The following DOCK2 variants were observed in gnomAD, a reference collection of about 807,000 sequenced individuals.
DOCK2 encodes dedicator of cytokinesis protein 2.
DOCK2 carries 87 observed loss-of-function variants against 248.9 expected under a neutral mutation model. The observed-to-expected ratio is 0.35, with a 90% confidence interval of 0.29 to 0.42. DOCK2 has a LOEUF of 0.42. Among genes scored for constraint, DOCK2 ranks in the 10% least tolerant of loss-of-function variants. DOCK2 has a pLI of 1.00. For missense variants in DOCK2, 1,747 were observed against 2,300.2 expected, an observed-to-expected ratio of 0.76 and a Z score of 4.92; for synonymous variants, 805 against 821.6, an observed-to-expected ratio of 0.98 and a Z score of 0.35.
At chr5:169,857,271 G>A (rs572183764) in intron 27 of DOCK2, among the ~76,000 whole-genome samples, 1 of 152,330 alleles carries the variant, frequency 6.6e-6, no homozygotes, top group East Asian at 1.9e-4. Flanking sequence ...TGGTAAGGCA[G>A]TATCTGGTAA....
chr5:169,682,410 A>AGAGTAGTCAG (rs1379650050), intron 7 of DOCK2, among the ~76,000 whole-genome samples: 1 of 152,212 alleles, frequency 6.6e-6, no homozygotes, highest in East Asian at 1.9e-4. Context: ...CTGACTATTC[A>AGAGTAGTCAG]AGGAGTAGGA....
intron 27 of DOCK2, among the ~76,000 whole-genome samples, chr5:169,970,475 G>A (rs532492253): frequency 6.6e-6 from 1 of 152,376 alleles, no homozygotes; most frequent in East Asian, 1.9e-4. Flanking sequence ...ACTGCTGTTT[G>A]AAGGTGGTGG....
intron 32 of DOCK2, among the ~76,000 whole-genome samples, chr5:170,017,964 G>A (rs538306393): frequency 2.1e-4 from 32 of 152,284 alleles, no homozygotes; most frequent in African/African-American, 5.1e-4. Flanking sequence ...TGTAGGAGCT[G>A]GAAAATTTAT....
chr5:169,658,479 C>CAAAAAAAA (rs5873187), intron 2 of DOCK2, among the ~76,000 whole-genome samples: 1 of 76,040 alleles, frequency 1.3e-5, no homozygotes, highest in Non-Finnish European at 2.4e-5. Flanking sequence ...GCCTCCGTCT[C>CAAAAAAAA]AAAAAAAAAA....
chr5:170,082,936 A>G lies in DOCK2; in HGVS notation c.*78A>G, dbSNP rs571200748. 9.5e-6 allele frequency: 15 copies of G among 1,586,618 alleles called. No homozygotes were observed. Among genetic ancestry groups the G allele is most frequent in the Non-Finnish European group, 1.3e-5 (15 of 1,157,714 alleles). The stretch of plus-strand genomic sequence containing the variant: ...GAGGAAAGCCATGCGTGGAACATCG[A>G]AGCCTCAGAGAGTGGGAGACTGTCC... On this transcript the variant is annotated 3_prime_UTR_variant, in exon 52 of 52. Transcript: ENST00000520908.
At chr5:170,036,478 G>A in intron 35 of DOCK2, 37 bp from the exon 36 acceptor site, 2 of 1,607,268 alleles carry the variant, frequency 1.2e-6, no homozygotes, top group South Asian at 1.1e-5. Context: ...ATATTGCAGA[G>A]AACAACACTC....
intron 27 of DOCK2, among the ~76,000 whole-genome samples, chr5:169,894,395 C>G (rs1773472097): frequency 6.6e-6 from 1 of 152,174 alleles, no homozygotes; most frequent in Non-Finnish European, 1.5e-5. Flanking sequence ...ACCCCCTTCT[C>G]CTGACATAGA....
At chr5:169,656,727 GA>G (rs1758143947) in intron 2 of DOCK2, among the ~76,000 whole-genome samples, 2 of 152,226 alleles carry the variant, frequency 1.3e-5, no homozygotes, top group African/African-American at 4.8e-5. Context: ...AAATCCAGAT[GA>G]GTATTTTTCT....
intron 45 of DOCK2, 142 bp downstream of exon 45, chr5:170,067,828 C>A: frequency 1.1e-6 from 1 of 873,494 alleles, no homozygotes; most frequent in Non-Finnish European, 1.7e-6. Flanking sequence ...CTTGGTTGGC[C>A]CTCATGTTTC....
chr5:169,923,587 G>C (rs1393833671), intron 27 of DOCK2, among the ~76,000 whole-genome samples: 1 of 152,108 alleles, frequency 6.6e-6, no homozygotes, highest in Non-Finnish European at 1.5e-5. Flanking sequence ...TTTCTATTGT[G>C]ACCTTGGGCA....
chr5:169,908,251 T>A (rs999132585), intron 27 of DOCK2, among the ~76,000 whole-genome samples: 7 of 152,160 alleles, frequency 4.6e-5, no homozygotes, highest in Admixed American at 4.6e-4. Flanking sequence ...GCTGGTCCCT[T>A]GGTGGCAACT....
chr5:170,059,445 T>A (rs1408486824), intron 44 of DOCK2, among the ~76,000 whole-genome samples: 5 of 152,162 alleles, frequency 3.3e-5, no homozygotes, highest in Non-Finnish European at 7.4e-5. Context: ...GCAAGGCGCC[T>A]CTTCTGTAGT....
intron 8 of DOCK2, 24 bp downstream of exon 8, chr5:169,684,374 A>G: frequency 6.2e-7 from 1 of 1,611,430 alleles, no homozygotes; most frequent in African/African-American, 1.3e-5. Context: ...GGGTTGCCCT[A>G]CTTCTCTGAC....
chr5:170,064,179 G>A lies in DOCK2; in HGVS notation c.4468-3331G>A, dbSNP rs928121002. ...CACAAGGCCAGTCTGACAAGACTGG[G>A]AGAGAGAGCTGTCTTATCTAATGCA... On this transcript the variant is annotated intron_variant, in intron 44 of 51. Transcript: ENST00000520908. 5.3e-5 allele frequency among the ~76,000 whole-genome samples: 8 copies of A among 152,150 alleles called. 1 individual carries two copies. The highest frequency in any genetic ancestry group is 1.7e-4 in the African/African-American group (7 of 41,440).
At chr5:170,075,819 C>T (rs1757820441) in intron 46 of DOCK2, 128 bp from the exon 47 acceptor site, 1 of 1,259,794 alleles carries the variant, frequency 7.9e-7, no homozygotes. Flanking sequence ...GTGCAGGTTT[C>T]TGAGGACCCT....
intron 50 of DOCK2, chr5:170,080,785 T>C (rs1160233195): frequency 1.3e-5 from 2 of 156,198 alleles, no homozygotes; most frequent in African/African-American, 2.4e-5. Flanking sequence ...GCACAGCCGA[T>C]GGTCCTAACT....
chr5:169,819,357 A>G (rs1030019799), intron 26 of DOCK2, among the ~76,000 whole-genome samples: 1 of 152,218 alleles, frequency 6.6e-6, no homozygotes, highest in African/African-American at 2.4e-5. Flanking sequence ...AGAGTGGCTC[A>G]CGCCTTTAAT....
At chr5:169,940,439 A>G (rs1776194400) in intron 27 of DOCK2, among the ~76,000 whole-genome samples, 1 of 152,202 alleles carries the variant, frequency 6.6e-6, no homozygotes, top group African/African-American at 2.4e-5. Context: ...GACCGGGAGG[A>G]GGATTCAAGC....
intron 2 of DOCK2, among the ~76,000 whole-genome samples, chr5:169,657,294 GA>G (rs558197180): frequency 2.0e-5 from 3 of 149,814 alleles, no homozygotes; most frequent in East Asian, 2.0e-4. Flanking sequence ...GATTCTGATT[GA>G]AAAAAAAAGA....
Sources: allele counts gnomAD v4.1 joint callset (sites outside exome capture counted in the v4.1 genomes callset), GRCh38; gene constraint gnomAD v4.1.1; transcripts MANE v1.5; gene names NCBI Gene and HGNC (gene_info 2026-07-23, HGNC 2026-07-21).